The following HHAT variants were observed in gnomAD, a reference collection of about 807,000 sequenced individuals.
HHAT encodes protein-cysteine N-palmitoyltransferase HHAT.
A neutral mutation model predicts 70.8 loss-of-function variants in HHAT; 47 were observed. That is an observed-to-expected ratio of 0.66 (90% CI 0.53 to 0.85). The LOEUF (loss-of-function observed/expected upper bound fraction) is 0.85. Ranked by LOEUF, HHAT falls within the 40% of genes least tolerant of loss-of-function variation. HHAT has a pLI of 0.00. For synonymous variants in HHAT, 228 were observed against 247.6 expected (o/e 0.92, Z 0.74); for missense variants, 609 against 604.8 (o/e 1.01, Z -0.07).
At chr1:210,658,508 A>G (rs1676940978) in intron 11 of HHAT, among the ~76,000 whole-genome samples, 1 of 152,184 alleles carries the variant, frequency 6.6e-6, no homozygotes, top group African/African-American at 2.4e-5. Context: ...TCTGAGTTCA[A>G]GTCCTGGATA....
chr1:210,606,235 T>C (rs1050905430), intron 10 of HHAT, among the ~76,000 whole-genome samples: 1 of 152,092 alleles, frequency 6.6e-6, no homozygotes, highest in Non-Finnish European at 1.5e-5. Flanking sequence ...TACTCCCTAT[T>C]TTTCCTCCTA....
intron 9 of HHAT, among the ~76,000 whole-genome samples, chr1:210,568,484 AT>A (rs1337251360): frequency 1.3e-5 from 2 of 152,354 alleles, no homozygotes; most frequent in African/African-American, 2.4e-5. Flanking sequence ...GGTTGTTGGC[AT>A]TTTGAACAAA....
chr1:210,420,094 C>T (rs1572310143), intron 7 of HHAT, among the ~76,000 whole-genome samples: 1 of 152,316 alleles, frequency 6.6e-6, no homozygotes, highest in East Asian at 1.9e-4. Flanking sequence ...AGTTTGTACT[C>T]GTAATCCCAT....
At chr1:210,533,185 C>G (rs371547240) in intron 9 of HHAT, among the ~76,000 whole-genome samples, 1 of 144,510 alleles carries the variant, frequency 6.9e-6, no homozygotes, top group Non-Finnish European at 1.6e-5. Context: ...TCACTGGCAC[C>G]TGAATTTGGA....
chr1:210,541,751 A>G (rs1376046325), intron 9 of HHAT, among the ~76,000 whole-genome samples: 1 of 152,062 alleles, frequency 6.6e-6, no homozygotes, highest in Non-Finnish European at 1.5e-5. Flanking sequence ...AAACAAAACA[A>G]CAGAAAGAAA....
At chr1:210,427,413 CT>C (rs1250188148) in intron 7 of HHAT, among the ~76,000 whole-genome samples, 2 of 152,088 alleles carry the variant, frequency 1.3e-5, no homozygotes, top group African/African-American at 4.8e-5. Flanking sequence ...AACTTGAGAT[CT>C]TTCTAACTTT....
chr1:210,432,043 T>A (rs1364479206), intron 7 of HHAT, among the ~76,000 whole-genome samples: 1 of 151,874 alleles, frequency 6.6e-6, no homozygotes, highest in Admixed American at 6.5e-5. Context: ...ATATCATTAT[T>A]AATAGTTTCT....
At chr1:210,465,140 T>C (rs1322187318) in intron 8 of HHAT, among the ~76,000 whole-genome samples, 6 of 152,232 alleles carry the variant, frequency 3.9e-5, no homozygotes, top group South Asian at 2.1e-4. Flanking sequence ...AGGAGTTGTT[T>C]TGAAGATTAA....
At chr1:210,618,059 C>T (rs1668100074) in intron 10 of HHAT, among the ~76,000 whole-genome samples, 1 of 152,148 alleles carries the variant, frequency 6.6e-6, no homozygotes, top group Non-Finnish European at 1.5e-5. Context: ...CTGCCCTATC[C>T]TTGAGGAACC....
chr1:210,410,273 G>A (rs2092486717), intron 6 of HHAT, among the ~76,000 whole-genome samples: 1 of 151,394 alleles, frequency 6.6e-6, no homozygotes, highest in Non-Finnish European at 1.5e-5. Context: ...AGCCAGAATG[G>A]TCTCGATCTC....
intron 9 of HHAT, among the ~76,000 whole-genome samples, chr1:210,586,938 C>A (rs1335743688): frequency 6.6e-6 from 1 of 152,180 alleles, no homozygotes; most frequent in Non-Finnish European, 1.5e-5. Context: ...TGCATTTTGT[C>A]TGGTACTTTG....
At chr1:210,342,470 C>T (rs2086122143) in intron 1 of HHAT, among the ~76,000 whole-genome samples, 1 of 152,188 alleles carries the variant, frequency 6.6e-6, no homozygotes, top group Admixed American at 6.5e-5. Flanking sequence ...TTCACTATTA[C>T]ATATCAATAG....
At chr1:210,525,795 G>A (rs2095236909) in intron 9 of HHAT, among the ~76,000 whole-genome samples, 1 of 152,190 alleles carries the variant, frequency 6.6e-6, no homozygotes, top group Admixed American at 6.5e-5. Flanking sequence ...TATTTGCAAT[G>A]TAGAGACATA....
chr1:210,570,503 C>T (rs895712104), intron 9 of HHAT, among the ~76,000 whole-genome samples: 3 of 152,308 alleles, frequency 2.0e-5, no homozygotes, highest in Non-Finnish European at 1.5e-5. Context: ...ACACGGAGGA[C>T]TCTGCAGCTG....
intron 11 of HHAT, among the ~76,000 whole-genome samples, chr1:210,625,228 C>A (rs1254410092): frequency 1.3e-5 from 2 of 152,140 alleles, no homozygotes; most frequent in Non-Finnish European, 2.9e-5. Context: ...GATAATAGGG[C>A]ATTATGGATC....
intron 11 of HHAT, among the ~76,000 whole-genome samples, chr1:210,664,531 G>A (rs914409033): frequency 3.3e-5 from 5 of 152,224 alleles, no homozygotes; most frequent in African/African-American, 1.2e-4. Context: ...AGCACCCTAG[G>A]TCTAGGGTCT....
intron 3 of HHAT, among the ~76,000 whole-genome samples, chr1:210,365,317 T>TTTTG (rs1553326958): frequency 1.5e-5 from 2 of 129,912 alleles, no homozygotes; most frequent in Non-Finnish European, 3.2e-5. Flanking sequence ...CAGTTTTTTT[T>TTTTG]TTTTTTTTTT....
intron 3 of HHAT, among the ~76,000 whole-genome samples, chr1:210,370,985 T>A (rs962019196): frequency 6.6e-6 from 1 of 152,118 alleles, no homozygotes; most frequent in African/African-American, 2.4e-5. Context: ...ATCACTAACA[T>A]CTTACATTTT....
At chr1:210,350,571 A>T (rs2086924865) in intron 2 of HHAT, among the ~76,000 whole-genome samples, 1 of 152,194 alleles carries the variant, frequency 6.6e-6, no homozygotes, top group African/African-American at 2.4e-5. Context: ...AATTCTACTT[A>T]TTTCATTGCT....
Sources: allele counts gnomAD v4.1 joint callset (sites outside exome capture counted in the v4.1 genomes callset), GRCh38; gene constraint gnomAD v4.1.1; transcripts MANE v1.5; gene names NCBI Gene and HGNC (gene_info 2026-07-23, HGNC 2026-07-21).